Variants in TMEM178B observed in about 807,000 individuals in gnomAD.
TMEM178B encodes the protein transmembrane protein 178B.
TMEM178B carries 5 observed loss-of-function variants against 31.0 expected under a neutral mutation model. The observed-to-expected ratio is 0.16, with a 90% CI of 0.08 to 0.34. TMEM178B has a LOEUF of 0.34. Among genes scored for constraint, TMEM178B ranks in the 10% least tolerant of loss-of-function variants. TMEM178B has a pLI of 1.00. For synonymous variants in TMEM178B, 164 were observed against 164.0 expected, an observed-to-expected ratio of 1.00 and a Z score of 0.00; for missense variants, 275 against 400.3, an observed-to-expected ratio of 0.69 and a Z score of 2.67.
At chr7:141,340,858 G>A (rs897606407) in intron 2 of TMEM178B, among the ~76,000 whole-genome samples, 10 of 152,136 alleles carry the variant, frequency 6.6e-5, no homozygotes, top group African/African-American at 2.4e-4. Context: ...ACTGTATGCT[G>A]TTATTTCTGC....
intron 2 of TMEM178B, among the ~76,000 whole-genome samples, chr7:141,355,890 A>G (rs1799810087): frequency 6.6e-6 from 1 of 152,154 alleles, no homozygotes; most frequent in Non-Finnish European, 1.5e-5. Context: ...TCTAGTAGTC[A>G]CATTGTCTAT....
chr7:141,250,129 AT>A (rs1319997974), intron 2 of TMEM178B, among the ~76,000 whole-genome samples: 1 of 152,168 alleles, frequency 6.6e-6, no homozygotes, highest in Non-Finnish European at 1.5e-5. Context: ...GATTGAATGT[AT>A]TCACTACCTC....
intron 2 of TMEM178B, among the ~76,000 whole-genome samples, chr7:141,306,128 C>G (rs1798811828): frequency 6.6e-6 from 1 of 152,214 alleles, no homozygotes; most frequent in East Asian, 1.9e-4. Context: ...AATTCACATT[C>G]CAGATTCCTT....
At chr7:141,304,247 G>A (rs1025281024) in intron 2 of TMEM178B, among the ~76,000 whole-genome samples, 1 of 152,148 alleles carries the variant, frequency 6.6e-6, no homozygotes, top group African/African-American at 2.4e-5. Flanking sequence ...TGCTCTGTGA[G>A]GTACTGGCAA....
At chr7:141,370,846 T>C (rs753808132) in intron 2 of TMEM178B, among the ~76,000 whole-genome samples, 1 of 152,258 alleles carries the variant, frequency 6.6e-6, no homozygotes, top group Non-Finnish European at 1.5e-5. Flanking sequence ...ATCTGCTGTT[T>C]GACCACTGAT....
intron 2 of TMEM178B, among the ~76,000 whole-genome samples, chr7:141,283,691 T>C (rs914968775): frequency 9.9e-5 from 15 of 152,236 alleles, no homozygotes; most frequent in African/African-American, 2.7e-4. Flanking sequence ...GCACATAAGC[T>C]TTCTTACCAT....
At chr7:141,419,005 A>G (rs1824041432) in intron 2 of TMEM178B, among the ~76,000 whole-genome samples, 2 of 152,136 alleles carry the variant, frequency 1.3e-5, no homozygotes, top group African/African-American at 4.8e-5. Flanking sequence ...TCTCCCAGGT[A>G]CAAGTGATTA....
chr7:141,124,408 C>G (rs889205816), intron 1 of TMEM178B, among the ~76,000 whole-genome samples: 1 of 152,088 alleles, frequency 6.6e-6, no homozygotes, highest in African/African-American at 2.4e-5. Context: ...ATGTGAACTT[C>G]TGCCTCAATG....
At position 141,254,988 on chromosome 7, in the gene TMEM178B, G is replaced by T. The variant is rs190922350; in HGVS notation, c.496+42284G>T. ...TCTCCCTTGAGTGTTTCGAATCACT[G>T]GTTCTCAGTAGAGGTGAGAGAAACT... On this transcript the variant is annotated intron_variant, in intron 2 of 3. Transcript: ENST00000565468. 1.7e-3 allele frequency among the ~76,000 whole-genome samples: 258 copies of T among 152,264 alleles called. 1 individual carries two copies. The highest frequency in any genetic ancestry group is 3.7e-3 in the Admixed American group (56 of 15,300).
At chr7:141,332,614 A>G (rs1335261147) in intron 2 of TMEM178B, among the ~76,000 whole-genome samples, 2 of 152,244 alleles carry the variant, frequency 1.3e-5, no homozygotes, top group African/African-American at 4.8e-5. Context: ...TATTGTTTTC[A>G]CATTATACAA....
chr7:141,214,826 T>C (rs1294528891), intron 2 of TMEM178B, among the ~76,000 whole-genome samples: 1 of 152,128 alleles, frequency 6.6e-6, no homozygotes, highest in African/African-American at 2.4e-5. Context: ...AGATCTATTT[T>C]TAACTGATAA....
At chr7:141,104,267 C>G (rs76138655) in intron 1 of TMEM178B, among the ~76,000 whole-genome samples, 10 of 152,226 alleles carry the variant, frequency 6.6e-5, no homozygotes, top group South Asian at 2.1e-4. Context: ...GGTGAAGGAT[C>G]CTCTGTTTTC....
chr7:141,395,691 C>T (rs868431614), intron 2 of TMEM178B, among the ~76,000 whole-genome samples: 1 of 152,212 alleles, frequency 6.6e-6, no homozygotes, highest in Middle Eastern at 3.4e-3. Flanking sequence ...ACACTCTGCT[C>T]CCCCTCAGTC....
intron 2 of TMEM178B, among the ~76,000 whole-genome samples, chr7:141,233,087 G>A (rs950774849): frequency 2.0e-5 from 3 of 152,170 alleles, no homozygotes; most frequent in Non-Finnish European, 2.9e-5. Context: ...TTAGTTCTGC[G>A]ATTGAAACCT....
intron 3 of TMEM178B, among the ~76,000 whole-genome samples, chr7:141,438,575 G>A (rs1389181130): frequency 6.6e-6 from 1 of 151,290 alleles, no homozygotes; most frequent in East Asian, 1.9e-4. Flanking sequence ...CTGGACAGAG[G>A]GAATTAGAAA....
At chr7:141,130,375 G>A (rs1795574513) in intron 1 of TMEM178B, among the ~76,000 whole-genome samples, 1 of 152,062 alleles carries the variant, frequency 6.6e-6, no homozygotes, top group South Asian at 2.1e-4. Flanking sequence ...TAGGAATTTG[G>A]GCAAGATAAG....
chr7:141,480,209 C>T lies in TMEM178B; in HGVS notation c.*9423C>T, dbSNP rs541019978. On this transcript the variant is annotated 3_prime_UTR_variant, in exon 4 of 4. Coordinates refer to ENST00000565468, the MANE Select transcript of TMEM178B (RefSeq NM_001195278.2). The stretch of plus-strand genomic sequence containing the variant: ...CTTCACTGAAACTGACTGCATCTTG[C>T]AATTTTCTTTTTCGAATTGGCAGAA... 1 of 152,246 alleles carries T rather than the reference C, an allele frequency of 6.6e-6. No homozygotes were observed. The highest frequency in any genetic ancestry group is 2.1e-4 in the South Asian group (1 of 4,824). 9.4% of individuals were successfully genotyped at this position (152,246 alleles called of 1,614,324 possible). A position where few individuals can be genotyped will look rare whatever the true frequency, so the allele number is the denominator to read the frequency against.
In TMEM178B at chr7:141,473,332, G is replaced by C. The variant is rs1362530495; in HGVS notation, c.*2546G>C. On this transcript the variant is annotated 3_prime_UTR_variant, in exon 4 of 4. Coordinates refer to ENST00000565468, the MANE Select transcript of TMEM178B (RefSeq NM_001195278.2). ...CAGACAGGTTCACAAGCATCCATTT[G>C]GGGGAGAGGGCTTGTCTATGACCAC... 3.9e-5 allele frequency: 6 copies of C among 152,156 alleles called. No homozygotes were observed. The highest frequency in any genetic ancestry group is 1.4e-4 in the African/African-American group (6 of 41,424). 9.4% of individuals were successfully genotyped at this position (152,156 alleles called of 1,614,324 possible).
At chr7:141,454,653 C>G (rs767308952) in intron 3 of TMEM178B, among the ~76,000 whole-genome samples, 3 of 150,126 alleles carry the variant, frequency 2.0e-5, no homozygotes, top group Non-Finnish European at 4.4e-5. Flanking sequence ...TATGAGTCAA[C>G]ACTTCTGGGT....
Sources: gnomAD v4.1 joint callset for allele counts (sites outside exome capture counted in the v4.1 genomes callset) on GRCh38, gnomAD v4.1.1 for gene constraint, MANE v1.5 for transcripts, NCBI Gene and HGNC (gene_info 2026-07-23, HGNC 2026-07-21) for gene names.